KLF6: variants seen among roughly 807,000 people sequenced by gnomAD.
The protein encoded by KLF6 is KLF transcription factor 6.
For missense variants in KLF6, 233 were observed against 359.8 expected (o/e 0.65, Z 2.85); for synonymous variants, 152 against 147.9 (o/e 1.03, Z -0.20).
At position 3,777,588 on chromosome 10, in the gene KLF6, C is replaced by G. The variant is rs1002130914; in HGVS notation, c.*1951G>C. 6 of 511,320 alleles carry G rather than the reference C, an allele frequency of 1.2e-5. No homozygotes were observed. The highest frequency in any genetic ancestry group is 6.8e-5 in the Admixed American group (3 of 44,186). 31.7% of individuals were successfully genotyped at this position (511,320 alleles called of 1,614,324 possible). On this transcript the variant is annotated 3_prime_UTR_variant, in exon 4 of 4. Transcript: ENST00000497571. ...CGGAACAGATTCAAGCAAGAAAGTC[C>G]TCCGCACATCGTTAAATTAAAGATA...
Position 3,785,134 on chromosome 10 carries a change from A to G in KLF6, c.-120T>C. 6.5e-7 allele frequency: 1 copy of G among 1,542,508 alleles called. No individual in the cohort carries two copies. The highest frequency in any genetic ancestry group is 1.2e-5 in the South Asian group (1 of 84,802). On this transcript the variant is annotated 5_prime_UTR_variant, in exon 1 of 4. Coordinates refer to ENST00000497571, the MANE Select transcript of KLF6 (RefSeq NM_001300.6). ...TTTCATGCAAACTCCAGGCTCGCAG[A>G]GACGCCCGGCCGGACCCTCCCGCAG...
In KLF6 at chr10:3,780,068, C is replaced by A; in HGVS notation, c.800+38G>T. 6.2e-7 allele frequency: 1 copy of A among 1,613,356 alleles called. No individual in the cohort carries two copies. Among genetic ancestry groups the A allele is most frequent in the Non-Finnish European group, 8.5e-7 (1 of 1,179,648 alleles). ...ACCCTGGTCATCACATTCCCAAGGC[C>A]CCACGCTCCTTGCCCAGCATTGTCC... On this transcript the variant is annotated intron_variant, in intron 3 of 3. Transcript: ENST00000497571. This position sits in a 1 kb window ranked among gnomAD's most constrained non-coding sequence, Gnocchi z 4.6.
rs1169839393 is a variant in KLF6, at chr10:3,778,474, C to A, written c.*1065G>T. The A allele has an allele frequency of 3.8e-6, 2 of 525,394 alleles. No homozygotes were observed. The highest frequency in any genetic ancestry group is 7.4e-6 in the Non-Finnish European group (2 of 270,804). 32.5% of individuals were successfully genotyped at this position (525,394 alleles called of 1,614,324 possible). On this transcript the variant is annotated 3_prime_UTR_variant, in exon 4 of 4. Coordinates refer to ENST00000497571, the MANE Select transcript of KLF6 (RefSeq NM_001300.6). ...GAAACATTAGACCAGCAATTCCCAGCCCCAGCTTTGTGACACTCAATACGT... is the reference window on the plus strand; with the variant it reads ...GAAACATTAGACCAGCAATTCCCAGACCCAGCTTTGTGACACTCAATACGT...
rs1330852460 is a variant in KLF6, at chr10:3,779,323, G to A, written c.*216C>T. ...CCGCTCGGAAGGGCGGGTACCAGTG[G>A]CGAGTCCAGGGTCACCCACATACCA... is the stretch of plus-strand genomic sequence containing the variant. On this transcript the variant is annotated 3_prime_UTR_variant, in exon 4 of 4. Coordinates refer to ENST00000497571, the MANE Select transcript of KLF6 (RefSeq NM_001300.6). The A allele has an allele frequency of 1.5e-6, 1 of 672,312 alleles. No individual in the cohort carries two copies. The highest frequency in any genetic ancestry group is 2.7e-6 in the Non-Finnish European group (1 of 366,826). 41.6% of individuals were successfully genotyped at this position (672,312 alleles called of 1,614,324 possible).
In KLF6 at chr10:3,780,015, C is replaced by T; in HGVS notation, c.800+91G>A. 7 of 1,517,470 alleles carry T rather than the reference C, an allele frequency of 4.6e-6. No individual in the cohort carries two copies. Among genetic ancestry groups the T allele is most frequent in the Non-Finnish European group, 5.5e-6 (6 of 1,097,370 alleles). The allele number at this position is 1,517,470 out of a possible 1,614,324, so 94.0% of individuals were successfully genotyped here. ...CACACATAGGAAACTGCATGCCTTC[C>T]TTCGAATGTGCCCTGCACACCTACT... On this transcript the variant is annotated intron_variant, in intron 3 of 3. Transcript: ENST00000497571. The surrounding 1 kb of genome is among the most constrained non-coding windows in gnomAD (Gnocchi z 4.6).
intron 1 of KLF6, among the ~76,000 whole-genome samples, chr10:3,784,710 G>A (rs1564297375): frequency 6.6e-6 from 1 of 152,198 alleles, no homozygotes; most frequent in Non-Finnish European, 1.5e-5. Context: ...GCTCGGCCGG[G>A]CTGTGCCGGG....
chr10:3,783,775 C>A (rs1429735886), intron 1 of KLF6, among the ~76,000 whole-genome samples: 1 of 152,198 alleles, frequency 6.6e-6, no homozygotes, highest in African/African-American at 2.4e-5. Context: ...GCACCCGGGA[C>A]CTGAACGAAG....
rs891435532 is a variant in KLF6 at position 3,778,795 on chromosome 10, A to G, written c.*744T>C. On this transcript the variant is annotated 3_prime_UTR_variant, in exon 4 of 4. Transcript: ENST00000497571. ...CTTTTTGTATTCTAAGGAAAAGTTA[A>G]ATTGTTGTGTTATATTTGTAAATAC... 14 of 532,148 alleles carry G rather than the reference A, an allele frequency of 2.6e-5. No individual in the cohort carries two copies. Among genetic ancestry groups the G allele is most frequent in the African/African-American group, 2.4e-4 (13 of 53,890 alleles). The allele number at this position is 532,148 out of a possible 1,614,324, so 33.0% of individuals were successfully genotyped here. A position where few individuals can be genotyped will look rare whatever the true frequency, so the allele number is the denominator to read the frequency against.
In KLF6 at chr10:3,781,786, G is replaced by C. The variant is rs1241031582; in HGVS notation, c.531C>G (p.Ser177Arg). The C allele has an allele frequency of 1.2e-6, 2 of 1,614,232 alleles. No homozygotes were observed. The highest frequency in any genetic ancestry group is 1.7e-6 in the Non-Finnish European group (2 of 1,180,046). The change falls in exon 2 of 4, where the codon AGC (serine) becomes AGG (arginine). Residue 177 changes from serine (S) to arginine (R), a missense_variant. By Grantham distance (110) the Ser-to-Arg change is moderately radical (BLOSUM62 -1). Transcript: ENST00000497571. The surrounding 1 kb of genome is among the most constrained non-coding windows in gnomAD (Gnocchi z 5.8). ...GELPSPGKVR[S>R]GTSGKPGDKG... Reference sequence around the variant, plus strand: ...TGTCACCTGGCTTCCCCGAAGTCCCGCTGCGCACCTTCCCTGGCGAGGGCA... The same window carrying C: ...TGTCACCTGGCTTCCCCGAAGTCCCCCTGCGCACCTTCCCTGGCGAGGGCA...
At position 3,781,433 on chromosome 10, in the gene KLF6, A is replaced by C. The variant is rs954657002; in HGVS notation, c.676+208T>G. On this transcript the variant is annotated intron_variant, in intron 2 of 3. Coordinates refer to ENST00000497571, the MANE Select transcript of KLF6 (RefSeq NM_001300.6). The surrounding 1 kb of genome is among the most constrained non-coding windows in gnomAD (Gnocchi z 5.8). The stretch of plus-strand genomic sequence containing the variant: ...TTGTTTGTTTAATCTGAAAATTGTT[A>C]CACATTTATCCAACTCAAAAGTCCA... The C allele has an allele frequency of 1.3e-6, 2 of 1,514,000 alleles. No individual in the cohort carries two copies. 93.8% of individuals were successfully genotyped at this position (1,514,000 alleles called of 1,614,324 possible).
intron 1 of KLF6, among the ~76,000 whole-genome samples, chr10:3,784,098 C>G (rs543780597): frequency 6.6e-6 from 1 of 152,164 alleles, no homozygotes; most frequent in Non-Finnish European, 1.5e-5. Flanking sequence ...CACAGCAGGG[C>G]AGGGAGACAA....
In KLF6 at chr10:3,776,392, T is replaced by G. The variant is rs983959593; in HGVS notation, c.*3147A>C. ...CAGGCTCGCTGACATCCTCTCCAGC[T>G]CCCAGGACAGGCTGTGGAAAGAGGA... On this transcript the variant is annotated 3_prime_UTR_variant, in exon 4 of 4. Coordinates refer to ENST00000497571, the MANE Select transcript of KLF6 (RefSeq NM_001300.6). The G allele has an allele frequency of 1.1e-4, 59 of 531,968 alleles. No individual in the cohort carries two copies. In the Admixed American group the frequency reaches 1.2e-3, roughly 11 times the overall value. The allele number at this position is 531,968 out of a possible 1,614,324, so 33.0% of individuals were successfully genotyped here.
In KLF6 at chr10:3,781,779, A is replaced by G. The variant is rs972634245; in HGVS notation, c.538T>C (p.Ser180Pro). ...PSPGKVRSGT[S>P]GKPGDKGNGD... is the part of the protein sequence containing the mutation. ...TTTCCCTTGTCACCTGGCTTCCCCG[A>G]AGTCCCGCTGCGCACCTTCCCTGGC... The change falls in exon 2 of 4, where the codon TCG becomes CCG. Residue 180 changes from serine (S) to proline (P), a missense_variant. Ser to Pro is a moderately conservative substitution (Grantham distance 74, BLOSUM62 -1). Coordinates refer to ENST00000497571, the MANE Select transcript of KLF6 (RefSeq NM_001300.6). The surrounding 1 kb of genome is among the most constrained non-coding windows in gnomAD (Gnocchi z 5.8). 6.2e-6 allele frequency: 10 copies of G among 1,614,086 alleles called. No homozygotes were observed. Among genetic ancestry groups the G allele is most frequent in the Non-Finnish European group, 8.5e-6 (10 of 1,180,036 alleles).
Position 3,778,162 on chromosome 10 carries a change from T to C in KLF6, c.*1377A>G, listed in dbSNP as rs1286237476. On this transcript the variant is annotated 3_prime_UTR_variant, in exon 4 of 4. Coordinates refer to ENST00000497571, the MANE Select transcript of KLF6 (RefSeq NM_001300.6). ...CTCTATGTCTTTGTGAAGGAGGACC[T>C]TAAAGAGATTTTTTTTCTGTATTAT... The C allele has an allele frequency of 1.9e-6, 1 of 521,336 alleles. No homozygotes were observed. Among genetic ancestry groups the C allele is most frequent in the Admixed American group, 2.2e-5 (1 of 44,594 alleles). 32.3% of individuals were successfully genotyped at this position (521,336 alleles called of 1,614,324 possible).
In KLF6 at chr10:3,784,894, C is replaced by T. The variant is rs761310525; in HGVS notation, c.102+19G>A. On this transcript the variant is annotated intron_variant, in intron 1 of 3. Coordinates refer to ENST00000497571, the MANE Select transcript of KLF6 (RefSeq NM_001300.6). ...CCGCGCCCCGGCGCCCGCAGGGAAC[C>T]GCGGCCGGCTGCGTTTACCTGTTGC... 3.3e-5 allele frequency: 52 copies of T among 1,592,008 alleles called. No homozygotes were observed. The highest frequency in any genetic ancestry group is 4.2e-5 in the Non-Finnish European group (49 of 1,169,898).
chr10:3,781,992 T>C lies in KLF6; in HGVS notation c.325A>G (p.Ser109Gly). 1.2e-6 allele frequency: 2 copies of C among 1,614,236 alleles called. No individual in the cohort carries two copies. The highest frequency in any genetic ancestry group is 1.3e-5 in the African/African-American group (1 of 75,062). The change falls in exon 2 of 4, where the codon AGC becomes GGC. Residue 109 changes from serine (S) to glycine (G), a missense_variant. By Grantham distance (56) the Ser-to-Gly change is moderately conservative. Transcript: ENST00000497571. This position sits in a 1 kb window ranked among gnomAD's most constrained non-coding sequence, Gnocchi z 5.8. Reference sequence around the variant, plus strand: ...TCGGAGCTGTCAGAGGATTCGCTGCTGACATCTGAGTTCAGGCTGTTGGTC... The same window carrying C: ...TCGGAGCTGTCAGAGGATTCGCTGCCGACATCTGAGTTCAGGCTGTTGGTC... The part of the protein sequence containing the change: ...LETNSLNSDV[S>G]SESSDSSEEL...
At position 3,784,605 on chromosome 10, in the gene KLF6, A is replaced by C. The variant is rs559024299; in HGVS notation, c.102+308T>G. Among the ~76,000 whole-genome samples the C allele has an allele frequency of 8.4e-4, 127 of 151,754 alleles. 2 individuals are homozygous for C. The South Asian group carries it at 0.015, about 18-fold the overall frequency. On this transcript the variant is annotated intron_variant, in intron 1 of 3. Coordinates refer to ENST00000497571, the MANE Select transcript of KLF6 (RefSeq NM_001300.6). Reference sequence around the variant, plus strand: ...AAACAACAAAAAACAAACAAACAAAAAAAAAACACCTTGGCAGGCAGAGCA... The same window carrying C: ...AAACAACAAAAAACAAACAAACAAACAAAAAACACCTTGGCAGGCAGAGCA...
At position 3,781,449 on chromosome 10, in the gene KLF6, C is replaced by A; in HGVS notation, c.676+192G>T. 1 of 1,530,954 alleles carries A rather than the reference C, an allele frequency of 6.5e-7. No homozygotes were observed. The allele number at this position is 1,530,954 out of a possible 1,614,324, so 94.8% of individuals were successfully genotyped here. A position where few individuals can be genotyped will look rare whatever the true frequency, so the allele number is the denominator to read the frequency against. ...AAAATTGTTACACATTTATCCAACT[C>A]AAAAGTCCAGTCTTTAGGATTCTAC... On this transcript the variant is annotated intron_variant, in intron 2 of 3. Transcript: ENST00000497571. This position sits in a 1 kb window ranked among gnomAD's most constrained non-coding sequence, Gnocchi z 5.8.
chr10:3,779,821 C>T (rs367924424), intron 3 of KLF6, among the ~76,000 whole-genome samples: 25 of 152,188 alleles, frequency 1.6e-4, no homozygotes, highest in African/African-American at 4.6e-4. Context: ...AGAATCTGAA[C>T]GGACTTCATT....
Sources: allele counts gnomAD v4.1 joint callset (sites outside exome capture counted in the v4.1 genomes callset), GRCh38; gene constraint gnomAD v4.1.1; non-coding constraint Gnocchi (gnomAD v3.1); transcripts MANE v1.5; gene names NCBI Gene and HGNC (gene_info 2026-07-23, HGNC 2026-07-21).